Variants in TTC28 observed in about 807,000 individuals in gnomAD.
TTC28 encodes the protein tetratricopeptide repeat domain 28.
Under a neutral mutation model 198.0 loss-of-function variants are expected in TTC28, and 61 were observed. The observed-to-expected ratio is 0.31, with a 90% CI of 0.25 to 0.38. The LOEUF is 0.38. Ranked by LOEUF, TTC28 falls within the 10% of genes least tolerant of loss-of-function variation. The pLI, the probability that TTC28 is intolerant of heterozygous loss-of-function variation, is 1.00. For missense variants in TTC28, 2,678 were observed against 3,164.0 expected, an observed-to-expected ratio of 0.85 and a Z score of 3.69; for synonymous variants, 1,171 against 1,297.8, an observed-to-expected ratio of 0.90 and a Z score of 2.10.
rs1171207832 is a variant in TTC28 at position 28,574,385 on chromosome 22, AGT to A, written c.381+55165_381+55166del. ...TGTGTGTGTGTGTGTGTTGTGTGTG[AGT>A]GTGTGTGTGTTCCACATTTTCTTTA... On this transcript the variant is annotated intron_variant, in intron 2 of 22. Coordinates refer to ENST00000397906, the MANE Select transcript of TTC28 (RefSeq NM_001145418.2). Among the ~76,000 whole-genome samples the A allele has an allele frequency of 8.9e-5, 13 of 145,462 alleles. No homozygotes were observed. In the East Asian group the frequency reaches 2.4e-3, roughly 26 times the overall value.
chr22:28,503,172 G>A (rs1011144316), intron 2 of TTC28, among the ~76,000 whole-genome samples: 7 of 151,826 alleles, frequency 4.6e-5, no homozygotes, highest in Non-Finnish European at 8.8e-5. Context: ...TGCATACGCC[G>A]CTCCCTCCAC....
chr22:28,255,369 C>G (rs899659177), intron 5 of TTC28, among the ~76,000 whole-genome samples: 5 of 152,104 alleles, frequency 3.3e-5, no homozygotes, highest in African/African-American at 1.2e-4. Context: ...AAATGAACAA[C>G]ATGTGTATGA....
At chr22:28,556,462 A>G (rs1032566583) in intron 2 of TTC28, among the ~76,000 whole-genome samples, 73 of 152,212 alleles carry the variant, frequency 4.8e-4, no homozygotes, top group African/African-American at 1.8e-3. Flanking sequence ...TGCAGATACT[A>G]TAGCTTCCAC....
chr22:28,540,447 T>C (rs553630353), intron 2 of TTC28, among the ~76,000 whole-genome samples: 32 of 152,298 alleles, frequency 2.1e-4, no homozygotes, highest in African/African-American at 6.7e-4. Flanking sequence ...TGCTTCTCCC[T>C]GCAGGAAGTT....
At chr22:28,027,996 T>TGTGGATGAAGGCCAAGA (rs1938905105) in intron 13 of TTC28, among the ~76,000 whole-genome samples, 1 of 152,220 alleles carries the variant, frequency 6.6e-6, no homozygotes, top group African/African-American at 2.4e-5. Context: ...TCCACTCTCT[T>TGTGGATGAAGGCCAAGA]GTGGATGAAG....
intron 1 of TTC28, among the ~76,000 whole-genome samples, chr22:28,674,543 G>A (rs1216980362): frequency 6.6e-6 from 1 of 152,102 alleles, no homozygotes; most frequent in Non-Finnish European, 1.5e-5. Context: ...CCTGTTGGCT[G>A]GAGCAGTGGC....
rs16985986 is a variant in TTC28 at position 28,099,186 on chromosome 22, G to C, written c.3418-142C>G. On this transcript the variant is annotated intron_variant, in intron 9 of 22. Coordinates refer to ENST00000397906, the MANE Select transcript of TTC28 (RefSeq NM_001145418.2). ...TTTGAAAGGAAGAGTCTGATGTCCA[G>C]GTGTAAGGAAAAATGGATGTGCTGC... 2.9e-3 allele frequency: 3,506 copies of C among 1,192,184 alleles called. 114 individuals are homozygous for C. The African/African-American group carries it at 0.05, about 17-fold the overall frequency. 73.9% of individuals were successfully genotyped at this position (1,192,184 alleles called of 1,614,324 possible).
intron 2 of TTC28, among the ~76,000 whole-genome samples, chr22:28,529,629 G>A (rs1259846237): frequency 6.6e-6 from 1 of 152,236 alleles, no homozygotes; most frequent in African/African-American, 2.4e-5. Context: ...TAACCCCTGA[G>A]TAGCCTAACT....
At chr22:28,497,697 A>G (rs2048476545) in intron 2 of TTC28, among the ~76,000 whole-genome samples, 1 of 152,196 alleles carries the variant, frequency 6.6e-6, no homozygotes. Flanking sequence ...TGTTAGATAC[A>G]AGAGGTATGA....
chr22:28,308,990 T>G (rs1284081623), intron 2 of TTC28, among the ~76,000 whole-genome samples: 1 of 152,206 alleles, frequency 6.6e-6, no homozygotes, highest in Non-Finnish European at 1.5e-5. Flanking sequence ...ATTCATTGCA[T>G]GTACAAATGG....
chr22:28,628,444 T>C (rs2051113690), intron 2 of TTC28, among the ~76,000 whole-genome samples: 1 of 152,224 alleles, frequency 6.6e-6, no homozygotes, highest in Non-Finnish European at 1.5e-5. Context: ...ACCCTTTTTG[T>C]GTGTGTTTGT....
intron 2 of TTC28, among the ~76,000 whole-genome samples, chr22:28,526,040 C>T (rs776807404): frequency 1.3e-5 from 2 of 152,168 alleles, no homozygotes; most frequent in African/African-American, 2.4e-5. Flanking sequence ...TATAGTAATG[C>T]TATCAACAAA....
chr22:28,015,520 C>G (rs1938335516), intron 13 of TTC28, among the ~76,000 whole-genome samples: 1 of 151,970 alleles, frequency 6.6e-6, no homozygotes, highest in Admixed American at 6.6e-5. Context: ...CCTCCTGGGC[C>G]CAAGTGCTCC....
chr22:28,186,800 A>T (rs192574612), intron 5 of TTC28, among the ~76,000 whole-genome samples: 1 of 152,204 alleles, frequency 6.6e-6, no homozygotes, highest in East Asian at 1.9e-4. Context: ...TTAAAGAGAG[A>T]AATCAATGGA....
intron 2 of TTC28, among the ~76,000 whole-genome samples, chr22:28,338,061 G>A (rs1470411181): frequency 6.6e-6 from 1 of 151,928 alleles, no homozygotes; most frequent in Non-Finnish European, 1.5e-5. Context: ...CTCAGCATTT[G>A]CTTGTCTGTA....
intron 5 of TTC28, among the ~76,000 whole-genome samples, chr22:28,269,427 T>G (rs1005488298): frequency 2.2e-4 from 33 of 152,304 alleles, no homozygotes; most frequent in Admixed American, 1.6e-3. Flanking sequence ...AGAGTTATTT[T>G]TGTACATTGC....
Position 28,624,074 on chromosome 22 carries a change from T to C in TTC28, c.381+5478A>G, listed in dbSNP as rs146210198. On this transcript the variant is annotated intron_variant, in intron 2 of 22. Transcript: ENST00000397906. ...GTGAAAGATAAAATGCACTACAATA[T>C]AGAAAATCAATGAGACTAATAACTC... is the stretch of plus-strand genomic sequence containing the variant. Among the ~76,000 whole-genome samples the C allele has an allele frequency of 3.9e-4, 60 of 152,130 alleles. No individual in the cohort carries two copies. In the East Asian group the frequency reaches 8.1e-3, roughly 21 times the overall value.
intron 2 of TTC28, among the ~76,000 whole-genome samples, chr22:28,501,911 G>T (rs1452904569): frequency 3.3e-5 from 5 of 152,164 alleles, no homozygotes; most frequent in South Asian, 2.1e-4. Context: ...TTGATGCGAA[G>T]AATTTTTTTA....
intron 2 of TTC28, among the ~76,000 whole-genome samples, chr22:28,569,293 T>C (rs753944310): frequency 1.3e-5 from 2 of 151,716 alleles, no homozygotes; most frequent in African/African-American, 2.4e-5. Flanking sequence ...CTTCAAACAA[T>C]ACGACAAGGC....
Sources: allele counts gnomAD v4.1 joint callset (sites outside exome capture counted in the v4.1 genomes callset), GRCh38; gene constraint gnomAD v4.1.1; transcripts MANE v1.5; gene names NCBI Gene and HGNC (gene_info 2026-07-23, HGNC 2026-07-21).